Variants in NTNG1 observed in about 807,000 individuals in gnomAD.
The protein encoded by NTNG1 is netrin-G1.
In NTNG1, 16 loss-of-function variants were observed where a neutral mutation model predicts 54.0. The observed-to-expected ratio is 0.30, with a 90% CI of 0.20 to 0.45. The LOEUF (loss-of-function observed/expected upper bound fraction) is 0.45, where lower values mean the gene tolerates loss of function less well. Ranked by LOEUF, NTNG1 falls within the 20% of genes least tolerant of loss-of-function variation. The probability of loss-of-function intolerance (pLI) is 1.00; values close to 1 mark genes in which losing one functional copy is unlikely to be tolerated. For synonymous variants in NTNG1, 255 were observed against 263.1 expected (o/e 0.97, Z 0.30); for missense variants, 530 against 678.7 (o/e 0.78, Z 2.43).
At chr1:107,365,468 A>G (rs974536749) in intron 3 of NTNG1, among the ~76,000 whole-genome samples, 3 of 152,210 alleles carry the variant, frequency 2.0e-5, no homozygotes, top group African/African-American at 7.2e-5. Context: ...AAGTTAAAGG[A>G]TAATAAAAAA....
In NTNG1 at chr1:107,400,651, G is replaced by GTTTTTTTTTTTTTTTTTTTTTTT. The variant is rs370579128; in HGVS notation, c.1060+5339_1060+5340insTTTTTTTTTTTTTTTTTTTTTTT. 1.4e-5 allele frequency among the ~76,000 whole-genome samples: 2 copies of GTTTTTTTTTTTTTTTTTTTTTTT among 147,504 alleles called. 1 individual carries two copies. ...GTCTTCATCAACGTTTGTGGAATAA[G>GTTTTTTTTTTTTTTTTTTTTTTT]TTTTTTTTTTTTTTGAGATGTAGTT... On this transcript the variant is annotated intron_variant, in intron 4 of 7. Transcript: ENST00000370068.
At chr1:107,352,408 T>A (rs572320052) in intron 3 of NTNG1, among the ~76,000 whole-genome samples, 1 of 152,082 alleles carries the variant, frequency 6.6e-6, no homozygotes, top group East Asian at 1.9e-4. Flanking sequence ...GTATCTACAA[T>A]TATGGTCTCT....
chr1:107,424,591 G>A (rs1674772120), intron 5 of NTNG1, among the ~76,000 whole-genome samples: 1 of 152,080 alleles, frequency 6.6e-6, no homozygotes, highest in African/African-American at 2.4e-5. Flanking sequence ...TGCGTCTGAG[G>A]AAAAGGTGGT....
chr1:107,464,423 A>G (rs1677472070), intron 7 of NTNG1, among the ~76,000 whole-genome samples: 1 of 152,182 alleles, frequency 6.6e-6, no homozygotes, highest in South Asian at 2.1e-4. Context: ...CCCCAGGTGT[A>G]AAAAGCAAGC....
At position 107,480,688 on chromosome 1, in the gene NTNG1, G is replaced by T; in HGVS notation, c.1468G>T (p.Ala490Ser). 1 of 1,608,798 alleles carries T rather than the reference G, an allele frequency of 6.2e-7. No individual in the cohort carries two copies. ...CAACAACGTGCGCTGCCTGTGCCCG[G>T]CCGCATACACGGGCATCCTCTGCGA... ...CHNNVRCLCPAAYTGILCEKL... is the reference protein window; with the variant it reads ...CHNNVRCLCPSAYTGILCEKL... Residue 490 changes from alanine (A) to serine (S), a missense_variant, in exon 8 of 8, where the codon GCC (alanine) becomes TCC (serine). This residue lies in a region of NTNG1 where 212 missense variants were observed against 213.6 expected (regional missense o/e 0.99). Transcript: ENST00000370068.
At chr1:107,184,240 G>T (rs1019470471) in intron 2 of NTNG1, among the ~76,000 whole-genome samples, 9 of 152,086 alleles carry the variant, frequency 5.9e-5, no homozygotes, top group African/African-American at 2.2e-4. Context: ...GTCAACAAAA[G>T]ATTCCAATTG....
At chr1:107,450,712 T>C (rs1676570826) in intron 7 of NTNG1, among the ~76,000 whole-genome samples, 1 of 152,114 alleles carries the variant, frequency 6.6e-6, no homozygotes, top group Admixed American at 6.6e-5. Context: ...ATCAATGCCA[T>C]TTAGTCTTAC....
chr1:107,228,764 G>A (rs1660855624), intron 2 of NTNG1, among the ~76,000 whole-genome samples: 2 of 152,110 alleles, frequency 1.3e-5, no homozygotes, highest in African/African-American at 4.8e-5. Context: ...TTCTGATGAG[G>A]CTGTAAGAAA....
At chr1:107,450,029 C>A (rs1306124799) in intron 7 of NTNG1, among the ~76,000 whole-genome samples, 1 of 152,082 alleles carries the variant, frequency 6.6e-6, no homozygotes, top group African/African-American at 2.4e-5. Context: ...TTTATTCCTA[C>A]TGATAGGTTT....
chr1:107,435,809 C>A (rs1189799007), intron 6 of NTNG1, among the ~76,000 whole-genome samples: 1 of 152,082 alleles, frequency 6.6e-6, no homozygotes, highest in Non-Finnish European at 1.5e-5. Context: ...TCACAGTACC[C>A]AAAAGCTGCC....
chr1:107,324,109 C>CTT (rs369145965), intron 2 of NTNG1, among the ~76,000 whole-genome samples, 173 bp from the exon 3 acceptor site: 1 of 145,930 alleles, frequency 6.9e-6, no homozygotes, highest in Non-Finnish European at 1.5e-5. Context: ...TACCATATTG[C>CTT]TTTTTTTTTT....
intron 3 of NTNG1, among the ~76,000 whole-genome samples, chr1:107,343,337 C>T (rs1294850573): frequency 6.6e-6 from 1 of 152,068 alleles, no homozygotes; most frequent in East Asian, 1.9e-4. Context: ...TATTAACATC[C>T]ATTGGAAGTG....
intron 2 of NTNG1, among the ~76,000 whole-genome samples, chr1:107,298,518 C>T (rs1174016657): frequency 1.3e-5 from 2 of 152,156 alleles, no homozygotes; most frequent in Admixed American, 6.6e-5. Flanking sequence ...CAAAGTTATT[C>T]ACACATACAG....
chr1:107,377,265 A>G (rs916855281), intron 3 of NTNG1, among the ~76,000 whole-genome samples: 1 of 152,216 alleles, frequency 6.6e-6, no homozygotes, highest in Non-Finnish European at 1.5e-5. Flanking sequence ...GGCATCATGC[A>G]GTAGTGATGT....
At chr1:107,407,390 C>T (rs552777925) in intron 4 of NTNG1, among the ~76,000 whole-genome samples, 2 of 152,092 alleles carry the variant, frequency 1.3e-5, no homozygotes, top group South Asian at 4.1e-4. Flanking sequence ...TGTTGGATGT[C>T]AAAAGCTTAC....
chr1:107,274,084 A>G (rs1202381819), intron 2 of NTNG1, among the ~76,000 whole-genome samples: 1 of 152,212 alleles, frequency 6.6e-6, no homozygotes, highest in Non-Finnish European at 1.5e-5. Context: ...CTGAGTTTGT[A>G]TAATAACCCA....
intron 7 of NTNG1, among the ~76,000 whole-genome samples, chr1:107,466,586 G>C (rs78660712): frequency 0.015 from 2,232 of 152,320 alleles, 49 homozygotes; most frequent in African/African-American, 0.051. Context: ...AGCACGTCAT[G>C]TGATTAGTCT....
intron 2 of NTNG1, among the ~76,000 whole-genome samples, chr1:107,184,111 C>A (rs1657267944): frequency 6.6e-6 from 1 of 152,148 alleles, no homozygotes; most frequent in African/African-American, 2.4e-5. Context: ...CCAACATTCC[C>A]AAAATCTCAC....
At chr1:107,285,964 AT>A (rs766921707) in intron 2 of NTNG1, among the ~76,000 whole-genome samples, 102 of 152,314 alleles carry the variant, frequency 6.7e-4, no homozygotes, top group African/African-American at 3.1e-4. Flanking sequence ...CAATAAAAAA[AT>A]AAATGTCAGT....
Sources: gnomAD v4.1 joint callset for allele counts (sites outside exome capture counted in the v4.1 genomes callset) on GRCh38, gnomAD v4.1.1 for gene constraint, gnomAD v4.1.1 regional missense constraint, MANE v1.5 for transcripts, NCBI Gene and HGNC (gene_info 2026-07-23, HGNC 2026-07-21) for gene names.